GARIN5A: variants seen among roughly 807,000 people sequenced by gnomAD.
GARIN5A encodes golgi associated RAB2 interactor 5A.
the GARIN5A span, chr19:50,476,527 TG>T: frequency 6.4e-7 from 1 of 1,570,260 alleles, no homozygotes. Flanking sequence ...GTCCCTTCGC[TG>T]GTGGGAAGAA....
At chr19:50,467,780 A>G in the GARIN5A span, 3 of 1,612,600 alleles carry the variant, frequency 1.9e-6, no homozygotes, top group Non-Finnish European at 2.5e-6. Context: ...TCGAGCTGAC[A>G]CCGGCTTTTG....
At chr19:50,467,606 C>T in the GARIN5A span, 2 of 1,551,780 alleles carry the variant, frequency 1.3e-6, no homozygotes, top group Non-Finnish European at 1.7e-6. Flanking sequence ...CCCTCCCCAT[C>T]TACATCCTCC....
chr19:50,475,692 T>C, the GARIN5A span: 3 of 702,288 alleles, frequency 4.3e-6, no homozygotes, highest in Admixed American at 2.4e-5. Context: ...ACTAGAAGTA[T>C]GGGGTGTCAG....
the GARIN5A span, among the ~76,000 whole-genome samples, chr19:50,472,315 G>A: frequency 6.6e-6 from 1 of 150,872 alleles, no homozygotes; most frequent in Non-Finnish European, 1.5e-5. Context: ...ATACATGTAT[G>A]TGTGTATATA....
chr19:50,472,864 C>A, the GARIN5A span, among the ~76,000 whole-genome samples: 1 of 151,998 alleles, frequency 6.6e-6, no homozygotes, highest in African/African-American at 2.4e-5. Flanking sequence ...AGAGTGAGAC[C>A]CTGTCTCAAA....
At chr19:50,473,416 G>T in the GARIN5A span, among the ~76,000 whole-genome samples, 5 of 151,902 alleles carry the variant, frequency 3.3e-5, no homozygotes, top group African/African-American at 9.7e-5. Flanking sequence ...GAGTGCAGTG[G>T]TGTGATCACA....
At chr19:50,475,198 A>T in the GARIN5A span, 1 of 1,360,876 alleles carries the variant, frequency 7.3e-7, no homozygotes, top group Non-Finnish European at 9.7e-7. Context: ...ATGGCAGCTC[A>T]GGGAGGGCCG....
At chr19:50,472,213 T>A in the GARIN5A span, among the ~76,000 whole-genome samples, 1 of 144,190 alleles carries the variant, frequency 6.9e-6, no homozygotes, top group Non-Finnish European at 1.5e-5. Flanking sequence ...TATATACATG[T>A]GTGTATGTAT....
At chr19:50,476,563 G>A in the GARIN5A span, 4 of 1,574,858 alleles carry the variant, frequency 2.5e-6, no homozygotes, top group East Asian at 2.3e-5. Context: ...AGCCAGCGCT[G>A]GGGCAACCCG....
chr19:50,471,962 G>T, the GARIN5A span, among the ~76,000 whole-genome samples: 3 of 150,154 alleles, frequency 2.0e-5, no homozygotes, highest in Non-Finnish European at 4.4e-5. Context: ...ATGTATGTAT[G>T]TATATATACA....
chr19:50,467,424 A>C, the GARIN5A span: 13 of 626,868 alleles, frequency 2.1e-5, 1 homozygote, highest in South Asian at 1.8e-4. Flanking sequence ...CCAGGAGTCC[A>C]GGACCCCAGC....
chr19:50,467,596 C>T, the GARIN5A span: 1 of 1,549,568 alleles, frequency 6.5e-7, no homozygotes. Flanking sequence ...ATCATCATCA[C>T]CCTCCCCATC....
At chr19:50,475,345 G>C in the GARIN5A span, 1 of 1,599,722 alleles carries the variant, frequency 6.3e-7, no homozygotes, top group African/African-American at 1.3e-5. Flanking sequence ...GCAGGTGTCC[G>C]TTCTCCTTGG....
At chr19:50,476,489 C>T in the GARIN5A span, 11 of 1,573,006 alleles carry the variant, frequency 7.0e-6, no homozygotes, top group Non-Finnish European at 7.7e-6. Flanking sequence ...TTCCTCCCGG[C>T]GTGCTCCGCG....
chr19:50,472,152 GTA>G, the GARIN5A span, among the ~76,000 whole-genome samples: 1 of 150,760 alleles, frequency 6.6e-6, no homozygotes, highest in Non-Finnish European at 1.5e-5. Flanking sequence ...GTATACGTGT[GTA>G]TATGTATGTA....
the GARIN5A span, among the ~76,000 whole-genome samples, chr19:50,474,918 CA>C: frequency 1.3e-5 from 2 of 152,200 alleles, no homozygotes; most frequent in African/African-American, 4.8e-5. Flanking sequence ...TCTGGAGCCA[CA>C]GTGGGACCCT....
the GARIN5A span, chr19:50,476,286 G>C: frequency 6.2e-7 from 1 of 1,604,870 alleles, no homozygotes; most frequent in Non-Finnish European, 8.5e-7. Flanking sequence ...ACGTCATGAT[G>C]CGGAGCGGGC....
At chr19:50,473,553 T>A in the GARIN5A span, among the ~76,000 whole-genome samples, 14 of 151,862 alleles carry the variant, frequency 9.2e-5, no homozygotes, top group Admixed American at 6.6e-5. Flanking sequence ...GAGATGGGGG[T>A]CTTGCTATGT....
the GARIN5A span, among the ~76,000 whole-genome samples, chr19:50,470,219 A>G: frequency 0.75 from 114,090 of 152,208 alleles, 43,742 homozygotes; most frequent in African/African-American, 0.93. Context: ...GTCAAAAAGA[A>G]TCCAACTGTG....
Sources: gnomAD v4.1 joint callset for allele counts (sites outside exome capture counted in the v4.1 genomes callset) on GRCh38, gnomAD v4.1.1 for gene constraint, MANE v1.5 for transcripts, NCBI Gene and HGNC (gene_info 2026-07-23, HGNC 2026-07-21) for gene names.